TRMT11: variants seen among roughly 807,000 people sequenced by gnomAD.
The protein encoded by TRMT11 is tRNA (guanine(10)-N(2))-methyltransferase TRMT11.
TRMT11 carries 53 observed loss-of-function variants against 62.8 expected under a neutral mutation model. That is an observed-to-expected ratio of 0.84 (90% CI 0.68 to 1.06). The LOEUF is 1.06. Ranked by LOEUF, TRMT11 falls within the 50% of genes least tolerant of loss-of-function variation. The pLI, the probability that TRMT11 is intolerant of heterozygous loss-of-function variation, is 0.00. For missense variants in TRMT11, 556 were observed against 553.4 expected, an observed-to-expected ratio of 1.00 and a Z score of -0.05; for synonymous variants, 188 against 190.3, an observed-to-expected ratio of 0.99 and a Z score of 0.10.
chr6:126,191,678 C>T (rs141458881), intron 1 of TRMT11, among the ~76,000 whole-genome samples: 2 of 151,876 alleles, frequency 1.3e-5, no homozygotes, highest in East Asian at 3.9e-4. Flanking sequence ...TCTAATTTTC[C>T]CAGAACCATT....
intron 1 of TRMT11, among the ~76,000 whole-genome samples, chr6:126,193,329 A>T (rs1778625130): frequency 1.3e-5 from 2 of 151,696 alleles, no homozygotes; most frequent in South Asian, 4.1e-4. Flanking sequence ...TAGTCTAACT[A>T]AAGGTTTATT....
chr6:126,072,405 C>T (rs1211398200), intron 17 of TRMT11, among the ~76,000 whole-genome samples: 1 of 152,144 alleles, frequency 6.6e-6, no homozygotes, highest in East Asian at 1.9e-4. Context: ...GGTGTTATTT[C>T]TGCAAATCCC....
At chr6:126,237,921 C>A in the TRMT11 span, among the ~76,000 whole-genome samples, 34 of 152,156 alleles carry the variant, frequency 2.2e-4, no homozygotes, top group Non-Finnish European at 4.9e-4. Flanking sequence ...GATTCAACTT[C>A]TTCCTGGTTT....
intron 1 of TRMT11, among the ~76,000 whole-genome samples, chr6:126,182,514 C>T (rs886342187): frequency 4.0e-5 from 6 of 151,524 alleles, no homozygotes; most frequent in South Asian, 4.2e-4. Flanking sequence ...TTTTGAGGAC[C>T]CCTTTTTGTC....
chr6:125,987,662 A>G (rs1199738632), intron 1 of TRMT11, among the ~76,000 whole-genome samples: 1 of 152,160 alleles, frequency 6.6e-6, no homozygotes, highest in Non-Finnish European at 1.5e-5. Context: ...GAGTAAGAGG[A>G]TGGGATAGAC....
intron 16 of TRMT11, among the ~76,000 whole-genome samples, chr6:126,050,710 AAG>A (rs1776191685): frequency 6.6e-6 from 1 of 152,078 alleles, no homozygotes; most frequent in Non-Finnish European, 1.5e-5. Context: ...AAAAAAAAAA[AAG>A]TGATTTTGGC....
intron 17 of TRMT11, among the ~76,000 whole-genome samples, chr6:126,107,881 T>A (rs528007118): frequency 1.3e-5 from 2 of 152,280 alleles, no homozygotes; most frequent in South Asian, 4.2e-4. Context: ...GAGAGCAATT[T>A]ATAGTGCTCA....
At chr6:126,116,132 C>T (rs891132363) in intron 21 of TRMT11, among the ~76,000 whole-genome samples, 2 of 151,104 alleles carry the variant, frequency 1.3e-5, no homozygotes, top group Admixed American at 1.3e-4. Flanking sequence ...AAAATGCCTT[C>T]TCATTTAACA....
At chr6:126,270,566 T>C in the TRMT11 span, among the ~76,000 whole-genome samples, 1 of 152,330 alleles carries the variant, frequency 6.6e-6, no homozygotes, top group Non-Finnish European at 1.5e-5. Flanking sequence ...TGTATCAATG[T>C]TACACTTATT....
intron 7 of TRMT11, among the ~76,000 whole-genome samples, chr6:126,004,681 T>A (rs570122700): frequency 4.6e-5 from 7 of 151,964 alleles, no homozygotes; most frequent in East Asian, 3.9e-4. Flanking sequence ...AATAGTTTTT[T>A]AAAAAAAATT....
chr6:126,173,840 G>A (rs1373656477), upstream of TRMT11, among the ~76,000 whole-genome samples: 4 of 152,198 alleles, frequency 2.6e-5, no homozygotes, highest in African/African-American at 9.7e-5. Flanking sequence ...TTCCTGGTGT[G>A]CTGCAGAAGT....
chr6:126,103,276 CCTT>C (rs1269555438), intron 17 of TRMT11, among the ~76,000 whole-genome samples: 4 of 152,142 alleles, frequency 2.6e-5, no homozygotes, highest in African/African-American at 7.2e-5. Flanking sequence ...ATTGTAAACT[CCTT>C]CTTGTTTCTG....
intron 21 of TRMT11, among the ~76,000 whole-genome samples, chr6:126,167,208 C>T (rs948417321): frequency 2.6e-5 from 4 of 152,122 alleles, no homozygotes; most frequent in African/African-American, 9.7e-5. Flanking sequence ...AAATGGCTGC[C>T]CAGTTTTGTG....
At chr6:126,261,009 A>G in the TRMT11 span, among the ~76,000 whole-genome samples, 1 of 152,194 alleles carries the variant, frequency 6.6e-6, no homozygotes, top group Non-Finnish European at 1.5e-5. Flanking sequence ...ATTTCATTAA[A>G]TAGGTTTTCT....
downstream of TRMT11, among the ~76,000 whole-genome samples, chr6:126,205,890 TGA>T (rs1778784435): frequency 7.4e-6 from 1 of 135,544 alleles, no homozygotes. Flanking sequence ...CCTGCACATG[TGA>T]GAGGGTACAC....
chr6:126,207,975 A>G (rs2128255785), downstream of TRMT11, among the ~76,000 whole-genome samples: 1 of 152,358 alleles, frequency 6.6e-6, no homozygotes, highest in South Asian at 2.1e-4. Flanking sequence ...TAGGAAAAGA[A>G]AAGCAGCTTA....
At chr6:126,199,009 A>C (rs1278943426) in intron 2 of TRMT11, 3 of 152,240 alleles carry the variant, frequency 2.0e-5, no homozygotes, top group Admixed American at 2.0e-4. Context: ...CAGTGACAAT[A>C]ATACTGGTAG....
chr6:126,232,522 T>A, the TRMT11 span, among the ~76,000 whole-genome samples: 1 of 152,182 alleles, frequency 6.6e-6, no homozygotes, highest in African/African-American at 2.4e-5. Context: ...GACATTTTAA[T>A]GTATTTGAAG....
At chr6:126,058,320 G>A (rs1026447088) in intron 17 of TRMT11, among the ~76,000 whole-genome samples, 30 of 152,184 alleles carry the variant, frequency 2.0e-4, no homozygotes, top group African/African-American at 7.2e-4. Context: ...ATTCCATGGT[G>A]TATATGCGCC....
Sources: gnomAD v4.1 joint callset for allele counts (sites outside exome capture counted in the v4.1 genomes callset) on GRCh38, gnomAD v4.1.1 for gene constraint, MANE v1.5 for transcripts, NCBI Gene and HGNC (gene_info 2026-07-23, HGNC 2026-07-21) for gene names.